The following AP4E1 variants were observed in gnomAD, a reference collection of about 807,000 sequenced individuals.
The protein encoded by AP4E1 is adaptor related protein complex 4 subunit epsilon 1.
Under a neutral mutation model 128.2 loss-of-function variants are expected in AP4E1, and 56 were observed. That is an observed-to-expected ratio of 0.44 (90% CI 0.35 to 0.55). The LOEUF is 0.55. AP4E1 is among the 20% of genes least tolerant of loss of function. The probability of loss-of-function intolerance (pLI) is 0.00; values close to 1 mark genes in which losing one functional copy is unlikely to be tolerated. For missense variants in AP4E1, 1,324 were observed against 1,307.7 expected (o/e 1.01, Z -0.19); for synonymous variants, 484 against 473.1 (o/e 1.02, Z -0.30).
intron 16 of AP4E1, among the ~76,000 whole-genome samples, chr15:50,988,502 G>T (rs1384919702): frequency 6.6e-6 from 1 of 151,978 alleles, no homozygotes; most frequent in East Asian, 1.9e-4. Flanking sequence ...TTTTAGTAGA[G>T]ATGGGTTTCA....
intron 16 of AP4E1, among the ~76,000 whole-genome samples, chr15:50,989,737 A>G (rs1473544295): frequency 6.6e-6 from 1 of 152,150 alleles, no homozygotes. Context: ...CTGAACTAGG[A>G]TCTGGGGGGT....
chr15:50,954,254 C>G (rs900148214), intron 13 of AP4E1, among the ~76,000 whole-genome samples: 2 of 152,098 alleles, frequency 1.3e-5, no homozygotes, highest in African/African-American at 4.8e-5. Context: ...CAAAGTAATA[C>G]TAGTTTCATA....
chr15:50,959,666 G>C (rs2064282985), intron 14 of AP4E1, among the ~76,000 whole-genome samples: 1 of 152,046 alleles, frequency 6.6e-6, no homozygotes, highest in Non-Finnish European at 1.5e-5. Flanking sequence ...AAACAGAAAG[G>C]AATCAAATAT....
At chr15:50,925,061 T>A in intron 4 of AP4E1, 37 bp from the exon 5 acceptor site, 1 of 1,612,806 alleles carries the variant, frequency 6.2e-7, no homozygotes, top group East Asian at 2.2e-5. Context: ...GTTTCAGTAT[T>A]TACACTAAAT....
rs1302895207 is a variant in AP4E1, at chr15:51,005,804, A to G, written c.*3142A>G. Reference sequence around the variant, plus strand: ...TTAGGAGAGAAAAATACAAGTGAATAATTATTTAATAGGCATTTATTACTT... The same window carrying G: ...TTAGGAGAGAAAAATACAAGTGAATGATTATTTAATAGGCATTTATTACTT... On this transcript the variant is annotated 3_prime_UTR_variant, in exon 21 of 21. Transcript: ENST00000261842. 1 of 152,662 alleles carries G rather than the reference A, an allele frequency of 6.6e-6. No individual in the cohort carries two copies. The highest frequency in any genetic ancestry group is 1.5e-5 in the Non-Finnish European group (1 of 68,044). 9.5% of individuals were successfully genotyped at this position (152,662 alleles called of 1,614,324 possible).
chr15:50,920,338 C>G (rs28405780), intron 3 of AP4E1, among the ~76,000 whole-genome samples: 2 of 150,374 alleles, frequency 1.3e-5, no homozygotes, highest in Non-Finnish European at 3.0e-5. Flanking sequence ...TGGTCTCGAT[C>G]TCCTGACCTC....
At chr15:50,998,822 G>A (rs554955883) in intron 18 of AP4E1, among the ~76,000 whole-genome samples, 45 of 152,020 alleles carry the variant, frequency 3.0e-4, no homozygotes, top group Non-Finnish European at 4.3e-4. Flanking sequence ...GACCAGCCAG[G>A]ACATTTACAG....
intron 5 of AP4E1, among the ~76,000 whole-genome samples, chr15:50,928,521 C>G (rs1419877687): frequency 1.3e-5 from 2 of 152,096 alleles, no homozygotes; most frequent in Non-Finnish European, 2.9e-5. Flanking sequence ...CTCCTGGCCT[C>G]AAGTGATCCA....
chr15:50,930,994 G>C (rs201420382), intron 7 of AP4E1, 23 bp downstream of exon 7: 7 of 1,613,408 alleles, frequency 4.3e-6, no homozygotes, highest in Non-Finnish European at 5.9e-6. Context: ...CAGTAAGTTT[G>C]CTTAATGACC....
At chr15:50,942,027 G>A (rs975634409) in intron 10 of AP4E1, among the ~76,000 whole-genome samples, 5 of 151,884 alleles carry the variant, frequency 3.3e-5, no homozygotes, top group South Asian at 2.1e-4. Context: ...AGTGATTCTC[G>A]TGCCTCAGCC....
At chr15:50,988,470 A>G (rs1157833907) in intron 16 of AP4E1, among the ~76,000 whole-genome samples, 1 of 151,978 alleles carries the variant, frequency 6.6e-6, no homozygotes. Flanking sequence ...TCCTGCCACC[A>G]TACCCGGCTA....
intron 15 of AP4E1, among the ~76,000 whole-genome samples, chr15:50,975,034 A>G (rs2064532946): frequency 6.6e-6 from 1 of 152,068 alleles, no homozygotes; most frequent in African/African-American, 2.4e-5. Flanking sequence ...ATGTATTGCC[A>G]CTTGTTTATT....
At chr15:50,953,926 A>G (rs1300643868) in intron 13 of AP4E1, among the ~76,000 whole-genome samples, 1 of 152,208 alleles carries the variant, frequency 6.6e-6, no homozygotes, top group Non-Finnish European at 1.5e-5. Flanking sequence ...TAAGATGGAA[A>G]AGGCATTAAA....
intron 16 of AP4E1, among the ~76,000 whole-genome samples, chr15:50,991,475 T>C (rs2064805933): frequency 1.3e-5 from 2 of 152,194 alleles, no homozygotes; most frequent in Non-Finnish European, 2.9e-5. Flanking sequence ...ATTTTAGTGG[T>C]TCCCATGACC....
At chr15:50,962,993 A>T (rs1271631808) in intron 14 of AP4E1, among the ~76,000 whole-genome samples, 1 of 151,776 alleles carries the variant, frequency 6.6e-6, no homozygotes, top group Non-Finnish European at 1.5e-5. Flanking sequence ...CAGGTAAACA[A>T]AAAAATGCTC....
chr15:50,980,509 T>A (rs12898208), intron 15 of AP4E1, among the ~76,000 whole-genome samples: 65,265 of 151,930 alleles, frequency 0.43, 14,255 homozygotes, highest in East Asian at 0.59. Flanking sequence ...ATGTGAAGAA[T>A]GAGAAAATGT....
chr15:50,984,059 A>C lies in AP4E1; in HGVS notation c.2004A>C (p.Ser668=). 6.2e-7 allele frequency: 1 copy of C among 1,613,266 alleles called. No individual in the cohort carries two copies. The highest frequency in any genetic ancestry group is 8.5e-7 in the Non-Finnish European group (1 of 1,179,434). Residue 668 remains serine (S), a synonymous_variant, in exon 16 of 21, where the codon TCA becomes TCC. Transcript: ENST00000261842. ...AACCATATGGACTCTCCTTTTCTTC[A>C]TCTGGCTTCACTGGACGACAGTCTC... ...NFEPYGLSFS[S]SGFTGRQSPA...
intron 5 of AP4E1, among the ~76,000 whole-genome samples, chr15:50,927,692 T>C (rs1458617682): frequency 4.6e-5 from 7 of 152,072 alleles, no homozygotes; most frequent in Non-Finnish European, 1.0e-4. Context: ...TGTGAAGAGT[T>C]TTCCGTTATG....
intron 13 of AP4E1, among the ~76,000 whole-genome samples, chr15:50,955,311 G>C (rs992999521): frequency 6.6e-6 from 1 of 152,208 alleles, no homozygotes; most frequent in African/African-American, 2.4e-5. Flanking sequence ...GTGTGAAAGT[G>C]TTCCTGTTTC....
Sources: gnomAD v4.1 joint callset for allele counts (sites outside exome capture counted in the v4.1 genomes callset) on GRCh38, gnomAD v4.1.1 for gene constraint, MANE v1.5 for transcripts, NCBI Gene and HGNC (gene_info 2026-07-23, HGNC 2026-07-21) for gene names.